Variants in XKR4 observed in about 807,000 individuals in gnomAD.
XKR4 encodes XK related 4.
In XKR4, 12 loss-of-function variants were observed where a neutral mutation model predicts 53.9. That is an observed-to-expected ratio of 0.22 (90% CI 0.14 to 0.36). XKR4 has a LOEUF of 0.36. Ranked by LOEUF, XKR4 falls within the 10% of genes least tolerant of loss-of-function variation. The probability of loss-of-function intolerance (pLI) is 1.00; values close to 1 mark genes in which losing one functional copy is unlikely to be tolerated. For synonymous variants in XKR4, 354 were observed against 362.4 expected (o/e 0.98, Z 0.26); for missense variants, 799 against 859.5 (o/e 0.93, Z 0.88).
intron 2 of XKR4, among the ~76,000 whole-genome samples, chr8:55,481,707 C>A (rs191001947): frequency 0.011 from 1,625 of 151,852 alleles, 26 homozygotes; most frequent in African/African-American, 0.038. Flanking sequence ...AAGAAAAAAA[C>A]AAACAACCCC....
chr8:55,103,446 AT>A, intron 1 of XKR4, 152 bp downstream of exon 1: 1 of 1,399,870 alleles, frequency 7.1e-7, no homozygotes, highest in Non-Finnish European at 9.2e-7. Flanking sequence ...TGGGGCTTGC[AT>A]TTTTAAAATT....
rs1416577223 is a variant in XKR4, at chr8:55,103,042, G to C, written c.554G>C (p.Cys185Ser). The C allele has an allele frequency of 1.9e-6, 3 of 1,612,556 alleles. No individual in the cohort carries two copies. The highest frequency in any genetic ancestry group is 2.2e-5 in the South Asian group (2 of 91,040). Reference protein sequence around the residue: ...DSATAAAASSCPQPGADCKTV... With the variant: ...DSATAAAASSSPQPGADCKTV... ...GCCACGGCCGCTGCTGCCTCCAGCT[G>C]CCCGCAGCCTGGAGCCGATTGCAAG... Residue 185 changes from cysteine (C) to serine (S), a missense_variant, in exon 1 of 3, where the codon TGC (cysteine) becomes TCC (serine). Cys to Ser is a moderately radical substitution (Grantham distance 112, BLOSUM62 -1). Transcript: ENST00000327381.
At chr8:55,156,303 A>T (rs753299091) in intron 1 of XKR4, among the ~76,000 whole-genome samples, 1 of 152,028 alleles carries the variant, frequency 6.6e-6, no homozygotes, top group Non-Finnish European at 1.5e-5. Context: ...AAAAACATGA[A>T]AATATGCAAT....
chr8:55,392,861 A>C (rs1446837514), intron 2 of XKR4, among the ~76,000 whole-genome samples: 1 of 152,108 alleles, frequency 6.6e-6, no homozygotes, highest in Non-Finnish European at 1.5e-5. Context: ...ACCTTATTCA[A>C]CATTTTGGAA....
intron 2 of XKR4, among the ~76,000 whole-genome samples, chr8:55,457,791 T>C (rs1805592104): frequency 6.6e-6 from 1 of 152,200 alleles, no homozygotes; most frequent in Non-Finnish European, 1.5e-5. Flanking sequence ...ATTGTTAAAG[T>C]TTTACATATT....
At chr8:55,204,950 G>T (rs993638565) in intron 1 of XKR4, among the ~76,000 whole-genome samples, 4 of 152,176 alleles carry the variant, frequency 2.6e-5, no homozygotes, top group Non-Finnish European at 5.9e-5. Flanking sequence ...AAGGCAGCTG[G>T]GTGGGCCCTT....
chr8:55,154,799 A>G (rs1816883543), intron 1 of XKR4, among the ~76,000 whole-genome samples: 1 of 152,224 alleles, frequency 6.6e-6, no homozygotes, highest in South Asian at 2.1e-4. Context: ...GTTCATAGAA[A>G]GTGGTTATAA....
intron 2 of XKR4, among the ~76,000 whole-genome samples, chr8:55,443,610 G>A (rs189028167): frequency 6.9e-5 from 10 of 145,814 alleles, no homozygotes; most frequent in Admixed American, 2.1e-4. Flanking sequence ...TTGGGAGGCC[G>A]AGGCAGATGG....
chr8:55,135,411 AT>A, intron 1 of XKR4: 1 of 322,320 alleles, frequency 3.1e-6, no homozygotes, highest in Non-Finnish European at 6.4e-6. Context: ...TGCAATATAT[AT>A]TTGTTGGATG....
At chr8:55,373,320 C>T (rs180944463) in intron 2 of XKR4, among the ~76,000 whole-genome samples, 2 of 152,262 alleles carry the variant, frequency 1.3e-5, no homozygotes, top group African/African-American at 4.8e-5. Context: ...GCATGCACCA[C>T]CACACCCAGC....
chr8:55,128,967 A>G (rs970526832), intron 1 of XKR4, among the ~76,000 whole-genome samples: 10 of 152,226 alleles, frequency 6.6e-5, no homozygotes, highest in African/African-American at 2.4e-4. Context: ...CGTCTAACCA[A>G]CAATGGTGAT....
At position 55,135,889 on chromosome 8, in the gene XKR4, C is replaced by CT. The variant is rs71256514; in HGVS notation, c.806+32610dup. Among the ~76,000 whole-genome samples the CT allele has an allele frequency of 1.3e-3, 185 of 146,090 alleles. No homozygotes were observed. In the East Asian group the frequency reaches 0.014, roughly 11 times the overall value. On this transcript the variant is annotated intron_variant, in intron 1 of 2. Coordinates refer to ENST00000327381, the MANE Select transcript of XKR4 (RefSeq NM_052898.2). ...CTGAGATTTCCTTTCAACATGCTCA[C>CT]TTTTTTTTTTTTTTTGTTTTTTTGA...
intron 2 of XKR4, chr8:55,452,650 G>A: frequency 7.0e-7 from 1 of 1,426,628 alleles, no homozygotes; most frequent in Non-Finnish European, 9.9e-7. Context: ...CCCTTGAGGT[G>A]GTCACTGGTG....
At chr8:55,362,134 A>C (rs956347452) in intron 2 of XKR4, among the ~76,000 whole-genome samples, 3 of 152,162 alleles carry the variant, frequency 2.0e-5, no homozygotes, top group African/African-American at 7.2e-5. Flanking sequence ...GGCCCATTGC[A>C]TAGGGCTTCT....
At chr8:55,493,262 G>A (rs1806296184) in intron 2 of XKR4, among the ~76,000 whole-genome samples, 2 of 152,190 alleles carry the variant, frequency 1.3e-5, no homozygotes, top group East Asian at 1.9e-4. Flanking sequence ...CCTACCAGGA[G>A]TAATGCCCAT....
intron 2 of XKR4, among the ~76,000 whole-genome samples, chr8:55,435,254 T>C (rs7835540): frequency 0.015 from 2,292 of 152,270 alleles, 53 homozygotes; most frequent in African/African-American, 0.053. Context: ...CTAGGATTAG[T>C]TTGAATCGTT....
intron 2 of XKR4, among the ~76,000 whole-genome samples, chr8:55,492,966 C>G (rs1806292241): frequency 6.6e-6 from 1 of 152,176 alleles, no homozygotes. Flanking sequence ...GTGGCTCAGA[C>G]AGGGCAGATG....
chr8:55,220,635 C>T (rs943239606), intron 1 of XKR4, among the ~76,000 whole-genome samples: 5 of 152,132 alleles, frequency 3.3e-5, no homozygotes, highest in Non-Finnish European at 7.4e-5. Context: ...CCCACTGGGG[C>T]CTTCCCACTG....
At chr8:55,196,093 A>C (rs1676680552) in intron 1 of XKR4, among the ~76,000 whole-genome samples, 1 of 151,808 alleles carries the variant, frequency 6.6e-6, no homozygotes, top group Non-Finnish European at 1.5e-5. Flanking sequence ...GAGAGAAGCC[A>C]CTCAGTCAAG....
Sources: gnomAD v4.1 joint callset for allele counts (sites outside exome capture counted in the v4.1 genomes callset) on GRCh38, gnomAD v4.1.1 for gene constraint, MANE v1.5 for transcripts, NCBI Gene and HGNC (gene_info 2026-07-23, HGNC 2026-07-21) for gene names.